Variants in CLIC6 observed in about 807,000 individuals in gnomAD.
CLIC6 encodes CLIC family member 6, also known as chloride intracellular channel protein 6.
A neutral mutation model predicts 49.2 loss-of-function variants in CLIC6; 39 were observed. The observed-to-expected ratio is 0.79, with a 90% CI of 0.61 to 1.04. CLIC6 has a LOEUF of 1.04. Among genes scored for constraint, CLIC6 ranks in the 50% least tolerant of loss-of-function variants. CLIC6 has a pLI of 0.00. For synonymous variants in CLIC6, 446 were observed against 433.4 expected (o/e 1.03, Z -0.36); for missense variants, 988 against 993.1 (o/e 0.99, Z 0.07).
intron 3 of CLIC6, 104 bp from the exon 4 acceptor site, chr21:34,708,596 C>T: frequency 1.3e-6 from 1 of 786,732 alleles, no homozygotes; most frequent in Non-Finnish European, 2.1e-6. Context: ...TGAAGGAAAG[C>T]TTTTCATTTT....
intron 2 of CLIC6, 88 bp downstream of exon 2, chr21:34,707,477 C>A (rs574083703): frequency 3.3e-5 from 17 of 510,572 alleles, no homozygotes; most frequent in Admixed American, 3.0e-4. Flanking sequence ...ACACCTGAGG[C>A]CAACGGTGCT....
intron 1 of CLIC6, among the ~76,000 whole-genome samples, chr21:34,678,310 C>T (rs1000845810): frequency 6.7e-5 from 10 of 150,182 alleles, no homozygotes; most frequent in African/African-American, 1.5e-4. Context: ...GGCGTGGTGG[C>T]GTGTGCCTGT....
rs963705556 is a variant in CLIC6 at position 34,669,040 on chromosome 21, G to A, written c.-349G>A. 9.2e-5 allele frequency among the ~76,000 whole-genome samples: 14 copies of A among 152,228 alleles called. No homozygotes were observed. Among genetic ancestry groups the A allele is most frequent in the African/African-American group, 3.4e-4 (14 of 41,464 alleles). On this transcript the variant is annotated 5_prime_UTR_variant, in exon 1 of 6. Coordinates refer to ENST00000349499, the MANE Select transcript of CLIC6 (RefSeq NM_053277.3). Reference sequence around the variant, plus strand: ...GGGCCGGGCACTTCCAAAGGCGCAGGAGCGAAGCAGCCCTCTCCAGCCGTG... The same window carrying A: ...GGGCCGGGCACTTCCAAAGGCGCAGAAGCGAAGCAGCCCTCTCCAGCCGTG...
chr21:34,687,829 T>C lies in CLIC6; in HGVS notation c.1374+17067T>C, dbSNP rs192434429. On this transcript the variant is annotated intron_variant, in intron 1 of 5. Transcript: ENST00000349499. ...TAAAATATATTTCTTAGCATCTAAA[T>C]GTAGGAGTGAATAAAGTTAATTTCT... Among the ~76,000 whole-genome samples, 26 of 152,326 alleles carry C rather than the reference T, an allele frequency of 1.7e-4. 1 individual carries two copies. The East Asian group carries it at 5.0e-3, about 29-fold the overall frequency.
chr21:34,705,941 C>T (rs2056011336), intron 1 of CLIC6: 1 of 567,128 alleles, frequency 1.8e-6, no homozygotes, highest in Non-Finnish European at 3.2e-6. Context: ...ATTCACATTC[C>T]TAGGCCCCAT....
At position 34,669,473 on chromosome 21, in the gene CLIC6, G is replaced by T; in HGVS notation, c.85G>T (p.Gly29Ter). The change falls in exon 1 of 6, where the codon GGA becomes TGA. Residue 29 changes from glycine to a stop codon, truncating the protein, a stop_gained. Coordinates refer to ENST00000349499, the MANE Select transcript of CLIC6 (RefSeq NM_053277.3). LOFTEE classifies it high-confidence loss of function. ...EVPAPLAERP[G>*]EPGAAGGEAE... Reference sequence around the variant, plus strand: ...CCCCGCGCCTCTGGCTGAGAGACCCGGAGAGCCAGGAGCCGCGGGCGGGGA... The same window carrying T: ...CCCCGCGCCTCTGGCTGAGAGACCCTGAGAGCCAGGAGCCGCGGGCGGGGA... The T allele has an allele frequency of 2.3e-5, 28 of 1,234,938 alleles. No individual in the cohort carries two copies. Among genetic ancestry groups the T allele is most frequent in the Non-Finnish European group, 2.8e-5 (28 of 990,034 alleles). 76.5% of individuals were successfully genotyped at this position (1,234,938 alleles called of 1,614,324 possible). A position where few individuals can be genotyped will look rare whatever the true frequency, so the allele number is the denominator to read the frequency against.
intron 1 of CLIC6, among the ~76,000 whole-genome samples, chr21:34,674,693 T>C (rs1438151531): frequency 1.3e-5 from 2 of 152,254 alleles, no homozygotes; most frequent in Admixed American, 1.3e-4. Flanking sequence ...TTTTGTTTTC[T>C]CAAAGAAGTG....
chr21:34,686,800 C>T (rs1989889208), intron 1 of CLIC6, among the ~76,000 whole-genome samples: 1 of 152,132 alleles, frequency 6.6e-6, no homozygotes, highest in South Asian at 2.1e-4. Flanking sequence ...AGCCCATCCG[C>T]AAGACACTGG....
intron 1 of CLIC6, among the ~76,000 whole-genome samples, chr21:34,671,022 G>A (rs77040655): frequency 0.03 from 4,581 of 151,320 alleles, 232 homozygotes; most frequent in African/African-American, 0.11. Context: ...GGGCCAATGA[G>A]GATGTGGGGT....
chr21:34,672,939 C>A (rs1354311260), intron 1 of CLIC6, among the ~76,000 whole-genome samples: 5 of 152,204 alleles, frequency 3.3e-5, no homozygotes, highest in African/African-American at 1.2e-4. Context: ...ATGTGAGTTC[C>A]TATTGTTACA....
intron 1 of CLIC6, among the ~76,000 whole-genome samples, chr21:34,677,762 T>G (rs1250733645): frequency 6.6e-6 from 1 of 152,104 alleles, no homozygotes; most frequent in East Asian, 1.9e-4. Flanking sequence ...TAGAACTGGA[T>G]TCTGTGCCCC....
intron 1 of CLIC6, among the ~76,000 whole-genome samples, chr21:34,686,058 T>C (rs1989871259): frequency 6.6e-6 from 1 of 152,224 alleles, no homozygotes. Context: ...GTTAAGCCAG[T>C]TCAACTTAGT....
At chr21:34,680,452 G>A (rs1387536537) in intron 1 of CLIC6, among the ~76,000 whole-genome samples, 11 of 152,192 alleles carry the variant, frequency 7.2e-5, no homozygotes. Context: ...TTTCCCCATT[G>A]TCTTGGTCAT....
chr21:34,704,042 GA>G (rs2055997226), intron 1 of CLIC6, among the ~76,000 whole-genome samples: 1 of 152,178 alleles, frequency 6.6e-6, no homozygotes, highest in African/African-American at 2.4e-5. Flanking sequence ...CCTAAGCTGA[GA>G]ATCCTGCTGA....
At chr21:34,693,413 T>A (rs1010198502) in intron 1 of CLIC6, among the ~76,000 whole-genome samples, 1 of 152,136 alleles carries the variant, frequency 6.6e-6, no homozygotes, top group Non-Finnish European at 1.5e-5. Context: ...TGAGTGCATC[T>A]CTTGACCACT....
At chr21:34,705,918 G>A (rs75734491) in intron 1 of CLIC6, 3 of 507,444 alleles carry the variant, frequency 5.9e-6, no homozygotes, top group East Asian at 3.2e-5. Flanking sequence ...CACTTTGGAG[G>A]AACATGTTAA....
rs900048526 is a variant in CLIC6, at chr21:34,669,526, C to T, written c.138C>T (p.Gly46=). 26 of 1,243,618 alleles carry T rather than the reference C, an allele frequency of 2.1e-5. No homozygotes were observed. Among genetic ancestry groups the T allele is most frequent in the Non-Finnish European group, 3.0e-6 (3 of 995,656 alleles). The allele number at this position is 1,243,618 out of a possible 1,614,324, so 77.0% of individuals were successfully genotyped here. The change falls in exon 1 of 6, where the codon GGC becomes GGT. Residue 46 remains glycine (G), a synonymous_variant. Coordinates refer to ENST00000349499, the MANE Select transcript of CLIC6 (RefSeq NM_053277.3). ...GEAEGPEGSE[G]AEEAPRGAAA... ...CAGAAGGGCCGGAGGGGAGCGAGGG[C>T]GCAGAGGAGGCGCCGAGGGGCGCCG...
chr21:34,707,300 T>C lies in CLIC6; in HGVS notation c.1395T>C (p.Ser465=). The C allele has an allele frequency of 6.2e-7, 1 of 1,613,778 alleles. No individual in the cohort carries two copies. Among genetic ancestry groups the C allele is most frequent in the East Asian group, 2.2e-5 (1 of 44,882 alleles). ...LFVKAGYDGE[S]IGNCPFSQRL... ...TGTAGGCTGGTTATGATGGTGAGAG[T>C]ATCGGAAATTGCCCGTTTTCTCAGC... Residue 465 remains serine (S), a synonymous_variant, in exon 2 of 6, where the codon AGT becomes AGC. Coordinates refer to ENST00000349499, the MANE Select transcript of CLIC6 (RefSeq NM_053277.3).
rs950536225 is a variant in CLIC6, at chr21:34,718,080, T to C, written c.*1598T>C. 1 of 152,622 alleles carries C rather than the reference T, an allele frequency of 6.6e-6. No individual in the cohort carries two copies. 9.5% of individuals were successfully genotyped at this position (152,622 alleles called of 1,614,324 possible). A position where few individuals can be genotyped will look rare whatever the true frequency, so the allele number is the denominator to read the frequency against. On this transcript the variant is annotated 3_prime_UTR_variant, in exon 6 of 6. Transcript: ENST00000349499. ...AGGGGGCAGATTTTAAAATGTAGTT[T>C]TGTAATGTTACATTTAAGCATGATA...
Sources: allele counts gnomAD v4.1 joint callset (sites outside exome capture counted in the v4.1 genomes callset), GRCh38; gene constraint gnomAD v4.1.1; transcripts MANE v1.5; gene names NCBI Gene and HGNC (gene_info 2026-07-23, HGNC 2026-07-21).